The following CCR3 variants were observed in gnomAD, a reference collection of about 807,000 sequenced individuals.
The protein encoded by CCR3 is C-C chemokine receptor type 3.
For missense variants in CCR3, 419 were observed against 437.5 expected (o/e 0.96, Z 0.38); for synonymous variants, 203 against 179.2 (o/e 1.13, Z -1.06).
At chr3:46,247,559 G>T (rs1031594215) in intron 1 of CCR3, among the ~76,000 whole-genome samples, 1 of 152,124 alleles carries the variant, frequency 6.6e-6, no homozygotes, top group Non-Finnish European at 1.5e-5. Flanking sequence ...GGATATAAAG[G>T]TTTCACTGAA....
intron 1 of CCR3, among the ~76,000 whole-genome samples, chr3:46,254,559 T>A (rs1041458508): frequency 3.3e-5 from 5 of 152,174 alleles, no homozygotes; most frequent in African/African-American, 1.2e-4. Context: ...TAGTGGTGAT[T>A]TCTGAGATTT....
At chr3:46,258,506 A>G (rs1559537580) in intron 1 of CCR3, among the ~76,000 whole-genome samples, 2 of 152,170 alleles carry the variant, frequency 1.3e-5, no homozygotes, top group South Asian at 2.1e-4. Flanking sequence ...GCCTTGGGAC[A>G]TATCTAAACT....
At chr3:46,214,473 G>A (rs761662216) in intron 2 of CCR3, among the ~76,000 whole-genome samples, 17 of 151,946 alleles carry the variant, frequency 1.1e-4, no homozygotes, top group Admixed American at 5.9e-4. Context: ...ATTCCTATCC[G>A]AGTTATTTAA....
At chr3:46,235,205 A>G (rs1011935975) in intron 2 of CCR3, among the ~76,000 whole-genome samples, 33 of 152,178 alleles carry the variant, frequency 2.2e-4, no homozygotes, top group Admixed American at 1.8e-3. Context: ...ACCTACCCCC[A>G]TATCTTAACT....
chr3:46,246,520 T>C (rs13080757), intron 1 of CCR3, among the ~76,000 whole-genome samples: 8,670 of 152,086 alleles, frequency 0.057, 384 homozygotes, highest in South Asian at 0.19. Flanking sequence ...CAGGATGAGC[T>C]AGGAAAAGGA....
At chr3:46,245,962 A>G (rs1024882434) in intron 1 of CCR3, among the ~76,000 whole-genome samples, 4 of 152,134 alleles carry the variant, frequency 2.6e-5, no homozygotes, top group African/African-American at 9.7e-5. Flanking sequence ...ATGGGCATTT[A>G]GTTTGATTTC....
intron 1 of CCR3, chr3:46,264,401 A>G: frequency 6.5e-7 from 1 of 1,532,782 alleles, no homozygotes; most frequent in Non-Finnish European, 8.7e-7. Context: ...TGTGGATTGG[A>G]TTATGCCATT....
chr3:46,224,931 T>C (rs1202763046), intron 2 of CCR3, among the ~76,000 whole-genome samples: 1 of 152,164 alleles, frequency 6.6e-6, no homozygotes. Context: ...ACCCAGCAAT[T>C]CTACTTCCAG....
At chr3:46,220,479 G>T (rs1485097202) in intron 2 of CCR3, among the ~76,000 whole-genome samples, 1 of 152,206 alleles carries the variant, frequency 6.6e-6, no homozygotes, top group Non-Finnish European at 1.5e-5. Context: ...ACTACCATTT[G>T]ATTCAGCAAT....
chr3:46,215,967 C>A (rs1366646911), intron 2 of CCR3, among the ~76,000 whole-genome samples: 4 of 152,284 alleles, frequency 2.6e-5, no homozygotes, highest in East Asian at 3.9e-4. Flanking sequence ...GAGTCAGACA[C>A]CTGACTTCAG....
chr3:46,211,393 ATATATT>A (rs1422213211), intron 2 of CCR3, among the ~76,000 whole-genome samples: 2 of 147,112 alleles, frequency 1.4e-5, no homozygotes. Context: ...ATATATATAT[ATATATT>A]TTTTGTAGAA....
intron 1 of CCR3, among the ~76,000 whole-genome samples, chr3:46,260,225 G>C (rs1459226686): frequency 6.6e-6 from 1 of 152,098 alleles, no homozygotes; most frequent in African/African-American, 2.4e-5. Context: ...ATGAGATTTG[G>C]GTGGGGACAC....
At chr3:46,241,842 C>T (rs1044234090), upstream of CCR3, among the ~76,000 whole-genome samples, 6 of 152,058 alleles carry the variant, frequency 3.9e-5, no homozygotes, top group African/African-American at 7.3e-5. Flanking sequence ...TCCTGTCTCC[C>T]GATGAGTCAA....
At chr3:46,211,533 A>C (rs1409526277) in intron 2 of CCR3, among the ~76,000 whole-genome samples, 1 of 151,928 alleles carries the variant, frequency 6.6e-6, no homozygotes, top group Non-Finnish European at 1.5e-5. Context: ...TGCCTGACCT[A>C]GATTTGCATT....
intron 2 of CCR3, among the ~76,000 whole-genome samples, chr3:46,234,014 C>T (rs1418992232): frequency 6.6e-6 from 1 of 152,238 alleles, no homozygotes; most frequent in Non-Finnish European, 1.5e-5. Flanking sequence ...AATGGATACC[C>T]CGTCAAGGTA....
At chr3:46,223,264 C>T (rs1699856933) in intron 2 of CCR3, among the ~76,000 whole-genome samples, 1 of 152,170 alleles carries the variant, frequency 6.6e-6, no homozygotes. Flanking sequence ...TGCTTGAGCC[C>T]AGGATGTGGA....
In CCR3 at chr3:46,266,387, T is replaced by C. The variant is rs1700635235; in HGVS notation, c.*161T>C. On this transcript the variant is annotated 3_prime_UTR_variant, in exon 2 of 2. Coordinates refer to ENST00000395940, the MANE Select transcript of CCR3 (RefSeq NM_178329.3). ...ACACACAGCAGTAGCAGTAGATGCA[T>C]GTACCCTAAGGTCATTACCACAGGC... 1 of 611,540 alleles carries C rather than the reference T, an allele frequency of 1.6e-6. No individual in the cohort carries two copies. 37.9% of individuals were successfully genotyped at this position (611,540 alleles called of 1,614,324 possible).
intron 1 of CCR3, among the ~76,000 whole-genome samples, chr3:46,242,999 ATATACG>A (rs1289755152): frequency 8.1e-6 from 1 of 124,108 alleles, no homozygotes; most frequent in Admixed American, 7.8e-5. Flanking sequence ...ATATATATAT[ATATACG>A]CACACACACA....
intron 1 of CCR3, among the ~76,000 whole-genome samples, chr3:46,254,512 G>A (rs1257992724): frequency 6.6e-6 from 1 of 152,022 alleles, no homozygotes; most frequent in Non-Finnish European, 1.5e-5. Context: ...ATAGGTTTTA[G>A]GGGAACAGGT....
Sources: gnomAD v4.1 joint callset for allele counts (sites outside exome capture counted in the v4.1 genomes callset) on GRCh38, gnomAD v4.1.1 for gene constraint, MANE v1.5 for transcripts, NCBI Gene and HGNC (gene_info 2026-07-23, HGNC 2026-07-21) for gene names.